Variants in IPO9 observed in about 807,000 individuals in gnomAD.
IPO9 encodes the protein importin-9.
Under a neutral mutation model 128.6 loss-of-function variants are expected in IPO9, and 28 were observed. The observed-to-expected ratio is 0.22, with a 90% CI of 0.16 to 0.30. The LOEUF (loss-of-function observed/expected upper bound fraction) is 0.30. Ranked by LOEUF, IPO9 falls within the 10% of genes least tolerant of loss-of-function variation. The pLI is 1.00. For synonymous variants in IPO9, 455 were observed against 475.8 expected, an observed-to-expected ratio of 0.96 and a Z score of 0.57; for missense variants, 935 against 1,293.9, an observed-to-expected ratio of 0.72 and a Z score of 4.26.
chr1:201,846,691 TAG>T (rs1290826712), intron 1 of IPO9, among the ~76,000 whole-genome samples: 3 of 151,644 alleles, frequency 2.0e-5, no homozygotes, highest in Admixed American at 1.3e-4. Context: ...TTTTTTGAGA[TAG>T]AGTTTTGCTC....
At chr1:201,835,074 G>A (rs1679900395) in intron 1 of IPO9, 1 of 152,298 alleles carries the variant, frequency 6.6e-6, no homozygotes, top group Admixed American at 6.5e-5. Context: ...GGCCAGTGGT[G>A]GAGTTTTCTT....
intron 4 of IPO9, among the ~76,000 whole-genome samples, chr1:201,849,881 A>G (rs1364083550): frequency 6.6e-6 from 1 of 152,118 alleles, no homozygotes; most frequent in African/African-American, 2.4e-5. Context: ...TTAATGACTC[A>G]TTCATTATTC....
At position 201,854,830 on chromosome 1, in the gene IPO9, C is replaced by A; in HGVS notation, c.818C>A (p.Thr273Lys). ...TTTCTCTTAACTTCTTAGGCAGTGA[C>A]AGCCCTAGTGAAAAACTTCCCAAAG... Reference protein sequence around the residue: ...GFKMEVLKAVTALVKNFPKHM... With the variant: ...GFKMEVLKAVKALVKNFPKHM... Residue 273 changes from threonine (T) to lysine (K), a missense_variant, in exon 8 of 24, where the codon ACA becomes AAA. By Grantham distance (78) the Thr-to-Lys change is moderately conservative (BLOSUM62 -1). This residue lies in a region of IPO9 where 741 missense variants were observed against 1,019.1 expected (regional missense o/e 0.73). Coordinates refer to ENST00000361565, the MANE Select transcript of IPO9 (RefSeq NM_018085.5). 6.2e-7 allele frequency: 1 copy of A among 1,607,732 alleles called. No homozygotes were observed. The highest frequency in any genetic ancestry group is 8.5e-7 in the Non-Finnish European group (1 of 1,177,868).
intron 6 of IPO9, among the ~76,000 whole-genome samples, chr1:201,853,826 C>T (rs529940167): frequency 7.2e-5 from 11 of 152,330 alleles, no homozygotes; most frequent in Admixed American, 6.5e-4. Context: ...GCAACGTCCG[C>T]CTCCCAGGTT....
intron 20 of IPO9, among the ~76,000 whole-genome samples, chr1:201,873,964 G>A (rs1240824486): frequency 6.6e-6 from 1 of 152,190 alleles, no homozygotes; most frequent in East Asian, 1.9e-4. Context: ...CATTGGGACT[G>A]GAGTACTGGC....
chr1:201,873,017 C>A (rs1680686892), intron 20 of IPO9, 56 bp downstream of exon 20: 1 of 1,535,830 alleles, frequency 6.5e-7, no homozygotes, highest in Non-Finnish European at 8.8e-7. Context: ...GCTAAGGATA[C>A]CTGGGTGAAG....
At chr1:201,874,799 C>A in intron 21 of IPO9, 33 bp from the exon 22 acceptor site, 1 of 1,431,924 alleles carries the variant, frequency 7.0e-7, no homozygotes, top group Non-Finnish European at 9.9e-7. Context: ...CATGAATGTG[C>A]TCTAGCTCTA....
rs1287324229 is a variant in IPO9, at chr1:201,879,468, T to TA, written c.*3415dup. The stretch of plus-strand genomic sequence containing the variant: ...GATATTAGTGACAGATGACTTTTTT[T>TA]ATGCCTTACCCATTCCACAAAAGAA... On this transcript the variant is annotated 3_prime_UTR_variant, in exon 24 of 24. Transcript: ENST00000361565. 6.6e-6 allele frequency: 1 copy of TA among 152,198 alleles called. No homozygotes were observed. Among genetic ancestry groups the TA allele is most frequent in the Non-Finnish European group, 1.5e-5 (1 of 68,034 alleles). 9.4% of individuals were successfully genotyped at this position (152,198 alleles called of 1,614,324 possible).
intron 1 of IPO9, among the ~76,000 whole-genome samples, chr1:201,835,749 T>C (rs1170291709): frequency 6.6e-6 from 1 of 152,210 alleles, no homozygotes; most frequent in Non-Finnish European, 1.5e-5. Flanking sequence ...TCTTATATTT[T>C]CCCTGCCTTC....
Position 201,865,176 on chromosome 1 carries a change from G to T in IPO9, c.1629-1557G>T, listed in dbSNP as rs188112063. On this transcript the variant is annotated intron_variant, in intron 14 of 23. Coordinates refer to ENST00000361565, the MANE Select transcript of IPO9 (RefSeq NM_018085.5). ...CAATTGCAGACTGGCTTATGTCCGT[G>T]TCACACTATTGGAACTATTTTTCTT... Among the ~76,000 whole-genome samples the T allele has an allele frequency of 2.4e-3, 360 of 149,240 alleles. 1 individual carries two copies. The highest frequency in any genetic ancestry group is 8.2e-3 in the African/African-American group (332 of 40,586).
chr1:201,831,954 T>G (rs1679842420), intron 1 of IPO9, among the ~76,000 whole-genome samples: 2 of 152,068 alleles, frequency 1.3e-5, no homozygotes, highest in African/African-American at 4.8e-5. Context: ...CAGGCTGGAG[T>G]GCAGTGGTGC....
intron 4 of IPO9, among the ~76,000 whole-genome samples, chr1:201,850,218 T>G (rs560574357): frequency 6.6e-6 from 1 of 152,322 alleles, no homozygotes; most frequent in Non-Finnish European, 1.5e-5. Flanking sequence ...TCACCAGACA[T>G]GGAGTGGCTA....
At chr1:201,859,032 T>G (rs749530161) in intron 13 of IPO9, 38 bp downstream of exon 13, 1 of 1,585,122 alleles carries the variant, frequency 6.3e-7, no homozygotes, top group South Asian at 1.1e-5. Flanking sequence ...AGAAACTCTT[T>G]AAACCTGTTG....
chr1:201,851,921 C>T (rs1458114571), intron 4 of IPO9, among the ~76,000 whole-genome samples, 183 bp from the exon 5 acceptor site: 3 of 152,058 alleles, frequency 2.0e-5, no homozygotes, highest in Non-Finnish European at 4.4e-5. Context: ...CTTTCTCCTT[C>T]TAACAAATAA....
At chr1:201,853,980 C>T (rs977380510) in intron 6 of IPO9, among the ~76,000 whole-genome samples, 3 of 152,198 alleles carry the variant, frequency 2.0e-5, no homozygotes, top group African/African-American at 7.2e-5. Flanking sequence ...TCGTGATCCA[C>T]CCACCTCGGC....
chr1:201,847,138 T>C (rs1337802597), intron 1 of IPO9, 141 bp from the exon 2 acceptor site: 1 of 640,622 alleles, frequency 1.6e-6, no homozygotes. Flanking sequence ...CTTGGAGGAA[T>C]CAGTCTTAGC....
At chr1:201,849,117 A>AGTAT (rs1226164388) in intron 4 of IPO9, among the ~76,000 whole-genome samples, 2 of 152,252 alleles carry the variant, frequency 1.3e-5, no homozygotes, top group African/African-American at 2.4e-5. Context: ...AGTATTTAAA[A>AGTAT]AGAAGATAAA....
chr1:201,838,261 T>G (rs1184817388), intron 1 of IPO9, among the ~76,000 whole-genome samples: 1 of 152,226 alleles, frequency 6.6e-6, no homozygotes, highest in Non-Finnish European at 1.5e-5. Flanking sequence ...ATTATCACAC[T>G]AAGTATCTGA....
In IPO9 at chr1:201,881,363, A is replaced by G. The variant is rs1408535932; in HGVS notation, c.*5309A>G. On this transcript the variant is annotated 3_prime_UTR_variant, in exon 24 of 24. Transcript: ENST00000361565. ...AGATATTGTTAACCTATCAAAGGTCACCCTGCAAGTGTGTGATTATAGTCC... is the reference window on the plus strand; with the variant it reads ...AGATATTGTTAACCTATCAAAGGTCGCCCTGCAAGTGTGTGATTATAGTCC... The G allele has an allele frequency of 6.6e-6, 1 of 152,228 alleles. No individual in the cohort carries two copies. The highest frequency in any genetic ancestry group is 1.5e-5 in the Non-Finnish European group (1 of 68,042). The allele number at this position is 152,228 out of a possible 1,614,324, so 9.4% of individuals were successfully genotyped here.
Sources: allele counts gnomAD v4.1 joint callset (sites outside exome capture counted in the v4.1 genomes callset), GRCh38; gene constraint gnomAD v4.1.1; regional missense constraint gnomAD v4.1.1; transcripts MANE v1.5; gene names NCBI Gene and HGNC (gene_info 2026-07-23, HGNC 2026-07-21).